Variants in TENM2 observed in about 807,000 individuals in gnomAD.
TENM2 encodes the protein teneurin transmembrane protein 2.
TENM2 carries 52 observed loss-of-function variants against 245.2 expected under a neutral mutation model. The observed-to-expected ratio is 0.21, with a 90% confidence interval of 0.17 to 0.27. The LOEUF (loss-of-function observed/expected upper bound fraction) is 0.27, where lower values mean the gene tolerates loss of function less well. Ranked by LOEUF, TENM2 falls within the 10% of genes least tolerant of loss-of-function variation. TENM2 has a pLI of 1.00. For synonymous variants in TENM2, 1,363 were observed against 1,438.9 expected (o/e 0.95, Z 1.19); for missense variants, 3,046 against 3,666.8 (o/e 0.83, Z 4.37).
At chr5:167,155,913 C>T in the TENM2 span, among the ~76,000 whole-genome samples, 6 of 152,326 alleles carry the variant, frequency 3.9e-5, no homozygotes, top group African/African-American at 1.2e-4. Context: ...TTCTTCTAAA[C>T]GATTCCCTGG....
intron 2 of TENM2, among the ~76,000 whole-genome samples, chr5:167,781,062 G>A (rs909040170): frequency 1.3e-5 from 2 of 152,126 alleles, no homozygotes; most frequent in Non-Finnish European, 2.9e-5. Context: ...TGTAATCCAA[G>A]CACTTTGGGG....
At chr5:167,445,616 C>T (rs565367978) in intron 2 of TENM2, among the ~76,000 whole-genome samples, 18 of 152,216 alleles carry the variant, frequency 1.2e-4, no homozygotes, top group Non-Finnish European at 2.5e-4. Context: ...ATATCAGTCT[C>T]ACCTATGAGA....
intron 2 of TENM2, among the ~76,000 whole-genome samples, chr5:167,758,665 T>A (rs997268741): frequency 2.0e-5 from 3 of 152,186 alleles, no homozygotes; most frequent in African/African-American, 7.2e-5. Flanking sequence ...TTGCTGGTTG[T>A]TAGGACTCAC....
At chr5:167,473,150 A>C (rs1449702435) in intron 2 of TENM2, among the ~76,000 whole-genome samples, 3 of 152,154 alleles carry the variant, frequency 2.0e-5, no homozygotes, top group African/African-American at 7.2e-5. Context: ...TATTTTTATG[A>C]TTAATTTTTG....
At chr5:167,533,067 A>AG (rs1272148287) in intron 2 of TENM2, among the ~76,000 whole-genome samples, 1 of 152,126 alleles carries the variant, frequency 6.6e-6, no homozygotes, top group Non-Finnish European at 1.5e-5. Flanking sequence ...AGTGCTTTGA[A>AG]GGAGATAGTA....
intron 25 of TENM2, among the ~76,000 whole-genome samples, chr5:168,243,957 T>TTTA (rs1766328139): frequency 6.8e-6 from 1 of 147,372 alleles, no homozygotes; most frequent in Non-Finnish European, 1.5e-5. Flanking sequence ...TTTTTTTTTT[T>TTTA]AAGATAGAGT....
chr5:167,352,887 A>T (rs1759015993), intron 1 of TENM2, among the ~76,000 whole-genome samples: 1 of 152,130 alleles, frequency 6.6e-6, no homozygotes, highest in African/African-American at 2.4e-5. Flanking sequence ...TCTGAAGTGG[A>T]TTTCTTTAAA....
intron 1 of TENM2, among the ~76,000 whole-genome samples, chr5:167,329,970 T>C (rs947710233): frequency 6.6e-6 from 1 of 152,210 alleles, no homozygotes; most frequent in African/African-American, 2.4e-5. Context: ...AAACAAATTA[T>C]GTTACTGTCC....
intron 2 of TENM2, among the ~76,000 whole-genome samples, chr5:167,859,606 G>A (rs1241714746): frequency 1.4e-4 from 15 of 103,964 alleles, no homozygotes; most frequent in African/African-American, 6.0e-4. Context: ...GGAGGGAGGT[G>A]GGGGGGTCAG....
intron 2 of TENM2, among the ~76,000 whole-genome samples, chr5:167,632,131 G>A (rs1252019918): frequency 6.6e-6 from 1 of 152,128 alleles, no homozygotes; most frequent in Non-Finnish European, 1.5e-5. Flanking sequence ...AGTCCCTGTA[G>A]ATGTTGCTTT....
chr5:167,712,855 A>G (rs1295834028), intron 2 of TENM2, among the ~76,000 whole-genome samples: 2 of 152,184 alleles, frequency 1.3e-5, no homozygotes, highest in South Asian at 2.1e-4. Context: ...TCTTTCGGCA[A>G]ACACCCATAT....
At chr5:167,620,380 T>C (rs895916843) in intron 2 of TENM2, among the ~76,000 whole-genome samples, 1 of 152,144 alleles carries the variant, frequency 6.6e-6, no homozygotes, top group Non-Finnish European at 1.5e-5. Context: ...GATCATAATT[T>C]ACTGAAAAGC....
chr5:167,869,699 G>A (rs772507481), intron 2 of TENM2, among the ~76,000 whole-genome samples: 13 of 152,302 alleles, frequency 8.5e-5, no homozygotes, highest in South Asian at 2.1e-4. Context: ...CTCAAAGCCC[G>A]TGGTGAAGGC....
intron 2 of TENM2, among the ~76,000 whole-genome samples, chr5:167,604,502 G>A (rs763064636): frequency 1.4e-4 from 21 of 152,092 alleles, no homozygotes; most frequent in African/African-American, 2.9e-4. Flanking sequence ...ATCTTTTGGG[G>A]TAACTTTCTT....
intron 3 of TENM2, among the ~76,000 whole-genome samples, chr5:167,913,015 C>CTG (rs1411297117): frequency 6.6e-6 from 1 of 152,120 alleles, no homozygotes; most frequent in Non-Finnish European, 1.5e-5. Flanking sequence ...ACAGGGCTAT[C>CTG]TCTTAAAAGG....
At chr5:167,844,453 C>A (rs976540975) in intron 2 of TENM2, among the ~76,000 whole-genome samples, 1 of 152,170 alleles carries the variant, frequency 6.6e-6, no homozygotes, top group African/African-American at 2.4e-5. Flanking sequence ...GCTGCAGGAA[C>A]CTTGTCATTT....
intron 13 of TENM2, among the ~76,000 whole-genome samples, chr5:168,171,511 A>G (rs1416231893): frequency 1.3e-5 from 2 of 152,250 alleles, no homozygotes; most frequent in Non-Finnish European, 2.9e-5. Context: ...AAAACACCTC[A>G]AAGACAAAAC....
intron 2 of TENM2, among the ~76,000 whole-genome samples, chr5:167,454,371 T>A: frequency 6.6e-6 from 1 of 152,188 alleles, no homozygotes; most frequent in South Asian, 2.1e-4. Flanking sequence ...GCTTATGTAA[T>A]TAAGAAGATC....
At chr5:167,689,764 C>G (rs1267007761) in intron 2 of TENM2, among the ~76,000 whole-genome samples, 1 of 151,816 alleles carries the variant, frequency 6.6e-6, no homozygotes, top group Non-Finnish European at 1.5e-5. Context: ...TCTTTTTTTT[C>G]TTTTTTTCTT....
Sources: allele counts gnomAD v4.1 joint callset (sites outside exome capture counted in the v4.1 genomes callset), GRCh38; gene constraint gnomAD v4.1.1; transcripts MANE v1.5; gene names NCBI Gene and HGNC (gene_info 2026-07-23, HGNC 2026-07-21).